Variants in C11orf65 observed in about 807,000 individuals in gnomAD.
C11orf65 encodes the protein chromosome 11 open reading frame 65.
A neutral mutation model predicts 35.3 loss-of-function variants in C11orf65; 38 were observed. The ratio of observed to expected loss-of-function variants is 1.08; its 90% CI spans 0.83 to 1.41. The LOEUF is 1.41. Among genes scored for constraint, C11orf65 ranks in the 40% most tolerant of loss-of-function variants. The pLI is 0.00. For synonymous variants in C11orf65, 105 were observed against 114.4 expected (o/e 0.92, Z 0.53); for missense variants, 370 against 367.1 (o/e 1.01, Z -0.06).
intron 6 of C11orf65, among the ~76,000 whole-genome samples, chr11:108,404,586 C>CTTTT (rs71047693): frequency 3.7e-5 from 5 of 136,816 alleles, no homozygotes; most frequent in South Asian, 2.3e-4. Flanking sequence ...TTTTTCTTTT[C>CTTTT]TTTTTTTTTT....
At position 108,407,131 on chromosome 11, in the gene C11orf65, C is replaced by A. The variant is rs1480857969; in HGVS notation, c.193G>T (p.Ala65Ser). ...CTGAATCGCACATGAATGCCAGCAG[C>A]AGCATCTAGAAGCTCTGCCTATAAG... Reference protein sequence around the residue: ...NPKEAELLDAAAGIHVRFRLG... With the variant: ...NPKEAELLDASAGIHVRFRLG... Residue 65 changes from alanine to serine, a missense_variant, in exon 4 of 9, where the codon GCT becomes TCT. By Grantham distance (99) the Ala-to-Ser change is moderately conservative. Transcript: ENST00000393084. The A allele has an allele frequency of 6.2e-7, 1 of 1,608,928 alleles. No homozygotes were observed. Among genetic ancestry groups the A allele is most frequent in the South Asian group, 1.1e-5 (1 of 90,412 alleles).
intron 2 of C11orf65, among the ~76,000 whole-genome samples, chr11:108,358,232 G>T (rs2090266648): frequency 6.6e-6 from 1 of 150,968 alleles, no homozygotes; most frequent in Non-Finnish European, 1.5e-5. Context: ...AAGCGAGAAG[G>T]GAAGTTCAGA....
chr11:108,335,565 CA>C (rs1363777420), intron 2 of C11orf65, among the ~76,000 whole-genome samples: 1 of 152,130 alleles, frequency 6.6e-6, no homozygotes, highest in East Asian at 1.9e-4. Flanking sequence ...TGGAAAGACA[CA>C]GTGCTGTTTT....
At chr11:108,399,897 CAGA>C (rs1416817423) in intron 6 of C11orf65, among the ~76,000 whole-genome samples, 1 of 152,180 alleles carries the variant, frequency 6.6e-6, no homozygotes, top group East Asian at 1.9e-4. Context: ...TAGCTTCTGG[CAGA>C]AGAAGGAATT....
At chr11:108,387,503 G>A (rs569072299) in intron 7 of C11orf65, among the ~76,000 whole-genome samples, 1 of 151,998 alleles carries the variant, frequency 6.6e-6, no homozygotes, top group South Asian at 2.1e-4. Context: ...TTTTGCAGTA[G>A]GAGGGTATAT....
intron 2 of C11orf65, among the ~76,000 whole-genome samples, chr11:108,445,159 G>C (rs2093232485): frequency 6.6e-6 from 1 of 152,182 alleles, no homozygotes; most frequent in African/African-American, 2.4e-5. Context: ...GCCTGCCTCT[G>C]TAGGCTCCAC....
At chr11:108,404,103 G>A (rs1455932286) in intron 6 of C11orf65, among the ~76,000 whole-genome samples, 2 of 152,076 alleles carry the variant, frequency 1.3e-5, no homozygotes, top group Non-Finnish European at 2.9e-5. Context: ...TGACCATCCA[G>A]TCAAACCATC....
chr11:108,421,600 G>A (rs1033923194), intron 3 of C11orf65, among the ~76,000 whole-genome samples: 4 of 152,186 alleles, frequency 2.6e-5, no homozygotes, highest in African/African-American at 9.7e-5. Flanking sequence ...GAAGGTTGCA[G>A]TGAGCCGAGA....
At chr11:108,455,266 A>C (rs2093398277) in intron 2 of C11orf65, among the ~76,000 whole-genome samples, 1 of 152,224 alleles carries the variant, frequency 6.6e-6, no homozygotes. Context: ...CAACAGAAAG[A>C]AATAAGACAT....
chr11:108,359,799 G>A (rs2090484083), intron 2 of C11orf65, among the ~76,000 whole-genome samples: 2 of 152,122 alleles, frequency 1.3e-5, no homozygotes, highest in Admixed American at 1.3e-4. Flanking sequence ...TCAAAGCAGT[G>A]TGTAGAGGGA....
At chr11:108,313,694 CT>C (rs1197863530) in intron 6 of C11orf65, among the ~76,000 whole-genome samples, 9 of 152,118 alleles carry the variant, frequency 5.9e-5, no homozygotes, top group Non-Finnish European at 1.3e-4. Flanking sequence ...AGCATGGGTA[CT>C]GAACTTTTCT....
At chr11:108,335,810 C>G (rs2136688657) in intron 2 of C11orf65, 1 of 1,536,328 alleles carries the variant, frequency 6.5e-7, no homozygotes, top group Non-Finnish European at 9.0e-7. Context: ...ATAAAATAAA[C>G]TGTACTTGTT....
intron 2 of C11orf65, among the ~76,000 whole-genome samples, chr11:108,453,443 A>T (rs117296636): frequency 8.7e-4 from 133 of 152,306 alleles, no homozygotes; most frequent in Non-Finnish European, 1.7e-3. Context: ...CATGCTAATT[A>T]AAAGACAAAG....
At chr11:108,391,319 T>C (rs578254487) in intron 7 of C11orf65, among the ~76,000 whole-genome samples, 6 of 152,230 alleles carry the variant, frequency 3.9e-5, no homozygotes, top group Non-Finnish European at 8.8e-5. Context: ...CCATTTAAAG[T>C]ATAGTATCCA....
rs786204141 is a variant in C11orf65 at position 108,316,022 on chromosome 11, A to G, written c.641-6951T>C. The G allele has an allele frequency of 6.2e-7, 1 of 1,614,186 alleles. No homozygotes were observed. Among genetic ancestry groups the G allele is most frequent in the Non-Finnish European group, 8.5e-7 (1 of 1,180,004 alleles). ...ATCTTTTCTTATAGACTACGAACAT[A>G]TGAACACGAAGCAATGTGGGGCAAA... On this transcript the variant is annotated intron_variant, in intron 6 of 6. Transcript: ENST00000525729.
chr11:108,370,836 A>T (rs749579722), intron 2 of C11orf65, among the ~76,000 whole-genome samples: 7 of 152,086 alleles, frequency 4.6e-5, no homozygotes, highest in Non-Finnish European at 8.8e-5. Context: ...ACCTCAACTG[A>T]TCCATTTTAT....
At chr11:108,330,194 C>T (rs778603753), downstream of C11orf65, 1 of 1,608,372 alleles carries the variant, frequency 6.2e-7, no homozygotes, top group Non-Finnish European at 8.5e-7. Flanking sequence ...TTGTGTTTTA[C>T]CTTAATTATT....
At chr11:108,344,321 T>A (rs931886032) in intron 2 of C11orf65, among the ~76,000 whole-genome samples, 5 of 152,024 alleles carry the variant, frequency 3.3e-5, no homozygotes, top group African/African-American at 4.8e-5. Flanking sequence ...GTTTTGTAAA[T>A]GAGTTGTTTT....
At chr11:108,317,932 G>T (rs2084889981) in intron 6 of C11orf65, among the ~76,000 whole-genome samples, 1 of 151,980 alleles carries the variant, frequency 6.6e-6, no homozygotes, top group African/African-American at 2.4e-5. Context: ...TTGGACTGAG[G>T]CATGCCAAGA....
Sources: allele counts gnomAD v4.1 joint callset (sites outside exome capture counted in the v4.1 genomes callset), GRCh38; gene constraint gnomAD v4.1.1; transcripts MANE v1.5; gene names NCBI Gene and HGNC (gene_info 2026-07-23, HGNC 2026-07-21).